SAMD12: variants seen among roughly 807,000 people sequenced by gnomAD.
SAMD12 encodes sterile alpha motif domain-containing protein 12.
SAMD12 carries 9 observed loss-of-function variants against 15.0 expected under a neutral mutation model. The ratio of observed to expected loss-of-function variants is 0.60; its 90% confidence interval spans 0.36 to 1.05. The LOEUF (loss-of-function observed/expected upper bound fraction) is 1.05. Ranked by LOEUF, SAMD12 falls within the 50% of genes least tolerant of loss-of-function variation. The pLI, the probability that SAMD12 is intolerant of heterozygous loss-of-function variation, is 0.01. For synonymous variants in SAMD12, 86 were observed against 90.1 expected, an observed-to-expected ratio of 0.96 and a Z score of 0.25; for missense variants, 230 against 234.2, an observed-to-expected ratio of 0.98 and a Z score of 0.12.
At chr8:118,371,209 T>C (rs1819080708) in intron 4 of SAMD12, among the ~76,000 whole-genome samples, 1 of 152,166 alleles carries the variant, frequency 6.6e-6, no homozygotes, top group Admixed American at 6.6e-5. Context: ...CTGAAGAGTT[T>C]GACTTTTATT....
chr8:118,243,481 T>C (rs1370700653), intron 4 of SAMD12, among the ~76,000 whole-genome samples: 1 of 152,056 alleles, frequency 6.6e-6, no homozygotes, highest in African/African-American at 2.4e-5. Context: ...AAAAAAACTA[T>C]ATACTCAGGT....
chr8:118,316,605 T>C (rs1288159267), intron 4 of SAMD12, among the ~76,000 whole-genome samples: 5 of 152,002 alleles, frequency 3.3e-5, no homozygotes, highest in Non-Finnish European at 7.4e-5. Context: ...TATCAAGTAT[T>C]TGGGGAGGAT....
chr8:118,230,937 G>A (rs987296519), intron 4 of SAMD12, among the ~76,000 whole-genome samples: 9 of 152,118 alleles, frequency 5.9e-5, no homozygotes, highest in African/African-American at 2.2e-4. Context: ...GTTTTAAGCA[G>A]AGAAGTGATG....
rs1467014884 is a variant in SAMD12 at position 118,378,618 on chromosome 8, G to A, written c.*799C>T. 4 of 984,902 alleles carry A rather than the reference G, an allele frequency of 4.1e-6. No individual in the cohort carries two copies. Among genetic ancestry groups the A allele is most frequent in the African/African-American group, 3.5e-5 (2 of 57,164 alleles). The allele number at this position is 984,902 out of a possible 1,614,324, so 61.0% of individuals were successfully genotyped here. On this transcript the variant is annotated 3_prime_UTR_variant, in exon 4 of 4. Transcript: ENST00000314727. ...GGCTGACCCAGATTTCTCCAATATC[G>A]GTATGCATGCAATTACAATATTCTG...
At position 118,561,991 on chromosome 8, in the gene SAMD12, G is replaced by GA. The variant is rs1332241183; in HGVS notation, c.192+18723dup. Among the ~76,000 whole-genome samples the GA allele has an allele frequency of 2.6e-5, 4 of 152,098 alleles. No individual in the cohort carries two copies. In the South Asian group the frequency reaches 6.2e-4, roughly 24 times the overall value. On this transcript the variant is annotated intron_variant, in intron 2 of 3. Transcript: ENST00000314727. ...CAACATCCAGTAATTGAGTATAAAA[G>GA]AAAAAAATTAGAAAAATAATGTTAA...
rs193248485 is a variant in SAMD12 at position 118,418,486 on chromosome 8, C to G, written c.322+21346G>C. ...ATCCCAGCACTTTGGGAGGCCGAGG[C>G]GGGTGGATCACAAGGTCAGGAGATC... On this transcript the variant is annotated intron_variant, in intron 3 of 3. Transcript: ENST00000314727. 1.4e-3 allele frequency among the ~76,000 whole-genome samples: 218 copies of G among 152,236 alleles called. 1 individual carries two copies. The highest frequency in any genetic ancestry group is 1.7e-3 in the East Asian group (9 of 5,166).
At chr8:118,534,373 A>C (rs1478535881) in intron 2 of SAMD12, among the ~76,000 whole-genome samples, 3 of 151,964 alleles carry the variant, frequency 2.0e-5, no homozygotes, top group Non-Finnish European at 4.4e-5. Context: ...GCTGCCCTTA[A>C]CATTTTTTCC....
intron 2 of SAMD12, among the ~76,000 whole-genome samples, chr8:118,491,832 G>A (rs1387496189): frequency 6.6e-6 from 1 of 152,100 alleles, no homozygotes; most frequent in Admixed American, 6.6e-5. Context: ...ACCACAATTT[G>A]TTGATCTATT....
At chr8:118,579,753 TG>T in intron 2 of SAMD12, among the ~76,000 whole-genome samples, 1 of 152,214 alleles carries the variant, frequency 6.6e-6, no homozygotes, top group Non-Finnish European at 1.5e-5. Context: ...AACCAACATT[TG>T]AAAGGAAATT....
chr8:118,439,862 T>G lies in SAMD12; in HGVS notation c.292A>C (p.Ser98Arg), dbSNP rs763629042. The change falls in exon 3 of 4, where the codon AGT (serine) becomes CGT (arginine). Residue 98 changes from serine to arginine, a missense_variant. By Grantham distance (110) the Ser-to-Arg change is moderately radical. Transcript: ENST00000314727. ...KHCPNQYQIYSESFKQHDITG... is the reference protein window; with the variant it reads ...KHCPNQYQIYRESFKQHDITG... ...ATGTCATGCTGTTTGAATGACTCACTGTAGATCTGATACTGATTCGGACAA... is the reference window on the plus strand; with the variant it reads ...ATGTCATGCTGTTTGAATGACTCACGGTAGATCTGATACTGATTCGGACAA... The G allele has an allele frequency of 1.3e-5, 21 of 1,613,614 alleles. No individual in the cohort carries two copies. Among genetic ancestry groups the G allele is most frequent in the Admixed American group, 1.7e-5 (1 of 60,016 alleles).
chr8:118,255,402 G>A (rs912396223), intron 4 of SAMD12, among the ~76,000 whole-genome samples: 4 of 151,142 alleles, frequency 2.6e-5, no homozygotes, highest in African/African-American at 4.9e-5. Context: ...TGTGCACAAC[G>A]TGCAGGTTAG....
At position 118,563,888 on chromosome 8, in the gene SAMD12, G is replaced by T. The variant is rs374961449; in HGVS notation, c.192+16827C>A. ...CCTGATAAATGGCTGCAAATCTTGG[G>T]GTTCCACAGGGTGCCATCCTCAACA... On this transcript the variant is annotated intron_variant, in intron 2 of 3. Coordinates refer to ENST00000314727, the MANE Select transcript of SAMD12 (RefSeq NM_207506.3). 3.3e-5 allele frequency among the ~76,000 whole-genome samples: 5 copies of T among 152,264 alleles called. No homozygotes were observed. The South Asian group carries it at 8.3e-4, about 25-fold the overall frequency.
intron 4 of SAMD12, among the ~76,000 whole-genome samples, chr8:118,220,739 T>C (rs1188859729): frequency 2.0e-5 from 3 of 152,226 alleles, no homozygotes; most frequent in African/African-American, 4.8e-5. Flanking sequence ...AGTTTCTTCA[T>C]TAATTCCTGA....
the SAMD12 span, among the ~76,000 whole-genome samples, chr8:118,141,074 G>C: frequency 6.6e-6 from 1 of 152,174 alleles, no homozygotes; most frequent in Non-Finnish European, 1.5e-5. Context: ...GACATTTATT[G>C]AGTACTCCAG....
intron 1 of SAMD12, among the ~76,000 whole-genome samples, chr8:118,604,233 GC>G (rs1827935056): frequency 6.6e-6 from 1 of 152,134 alleles, no homozygotes; most frequent in Non-Finnish European, 1.5e-5. Context: ...ATGTTTATAA[GC>G]CACAATACTT....
intron 4 of SAMD12, among the ~76,000 whole-genome samples, chr8:118,338,536 A>C (rs1817192834): frequency 6.6e-6 from 1 of 152,220 alleles, no homozygotes; most frequent in Non-Finnish European, 1.5e-5. Flanking sequence ...TTCTCCTCAA[A>C]ATGTTAAGAT....
intron 1 of SAMD12, among the ~76,000 whole-genome samples, chr8:118,614,533 C>T (rs1368687444): frequency 1.3e-5 from 2 of 152,178 alleles, no homozygotes; most frequent in Non-Finnish European, 2.9e-5. Context: ...CCATTCTGTA[C>T]CCCAGGTCTC....
At chr8:118,531,763 T>C (rs1408999695) in intron 2 of SAMD12, among the ~76,000 whole-genome samples, 1 of 152,214 alleles carries the variant, frequency 6.6e-6, no homozygotes, top group Non-Finnish European at 1.5e-5. Context: ...CTTGTGATTT[T>C]TGCACACTGA....
chr8:118,591,650 C>G (rs949775808), intron 1 of SAMD12, among the ~76,000 whole-genome samples: 3 of 151,830 alleles, frequency 2.0e-5, no homozygotes, highest in Non-Finnish European at 1.5e-5. Context: ...AAAAAACAAA[C>G]TAAAGTATAA....
Sources: gnomAD v4.1 joint callset for allele counts (sites outside exome capture counted in the v4.1 genomes callset) on GRCh38, gnomAD v4.1.1 for gene constraint, MANE v1.5 for transcripts, NCBI Gene and HGNC (gene_info 2026-07-23, HGNC 2026-07-21) for gene names.